The following KIAA0825 variants were observed in gnomAD, a reference collection of about 807,000 sequenced individuals.
KIAA0825 encodes the protein uncharacterized protein KIAA0825.
In KIAA0825, 119 loss-of-function variants were observed where a neutral mutation model predicts 147.6. The ratio of observed to expected loss-of-function variants is 0.81; its 90% CI spans 0.69 to 0.94. The LOEUF is 0.94. Among genes scored for constraint, KIAA0825 ranks in the 40% least tolerant of loss-of-function variants. KIAA0825 has a pLI of 0.00. For missense variants in KIAA0825, 1,381 were observed against 1,472.7 expected (o/e 0.94, Z 1.02); for synonymous variants, 470 against 518.1 (o/e 0.91, Z 1.26).
intron 20 of KIAA0825, among the ~76,000 whole-genome samples, chr5:94,278,015 GA>G (rs1470631957): frequency 1.3e-5 from 2 of 152,132 alleles, no homozygotes; most frequent in African/African-American, 4.8e-5. Context: ...CACAGGAACA[GA>G]AAACCAAACA....
intron 16 of KIAA0825, among the ~76,000 whole-genome samples, chr5:94,399,612 C>T (rs1751119281): frequency 6.6e-6 from 1 of 152,128 alleles, no homozygotes; most frequent in Non-Finnish European, 1.5e-5. Flanking sequence ...GACTGCTACA[C>T]ACTCGTCTTT....
intron 2 of KIAA0825, among the ~76,000 whole-genome samples, chr5:94,564,214 GTTT>G (rs545943328): frequency 1.9e-5 from 2 of 105,200 alleles, no homozygotes; most frequent in Non-Finnish European, 3.8e-5. Flanking sequence ...TATTCCCCTT[GTTT>G]TTTTTTTTTT....
chr5:94,229,502 AT>A (rs769082743), intron 20 of KIAA0825, among the ~76,000 whole-genome samples: 5,522 of 138,724 alleles, frequency 0.04, 262 homozygotes, highest in African/African-American at 0.13. Flanking sequence ...TCCATATTGA[AT>A]TTTTTTTTTT....
chr5:94,541,484 A>T lies in KIAA0825; in HGVS notation c.-1-4357T>A, dbSNP rs550223109. Among the ~76,000 whole-genome samples the T allele has an allele frequency of 3.3e-5, 5 of 152,358 alleles. No homozygotes were observed. In the South Asian group the frequency reaches 1.0e-3, roughly 32 times the overall value. On this transcript the variant is annotated intron_variant, in intron 2 of 20. Coordinates refer to ENST00000682413, the MANE Select transcript of KIAA0825 (RefSeq NM_001145678.3). ...CTAAAGGATTGTTTTAAGTTAGATAAAATAAGGCTGAAGGTTTAAACAAGT... is the reference window on the plus strand; with the variant it reads ...CTAAAGGATTGTTTTAAGTTAGATATAATAAGGCTGAAGGTTTAAACAAGT...
At chr5:94,245,555 A>C (rs749844624) in intron 20 of KIAA0825, among the ~76,000 whole-genome samples, 1 of 151,956 alleles carries the variant, frequency 6.6e-6, no homozygotes, top group Non-Finnish European at 1.5e-5. Context: ...CCTTCTTAGC[A>C]GTCTGAATTG....
At chr5:94,524,336 T>C (rs955547641) in intron 3 of KIAA0825, among the ~76,000 whole-genome samples, 16 of 151,768 alleles carry the variant, frequency 1.1e-4, no homozygotes, top group South Asian at 8.3e-4. Flanking sequence ...TCAGATGAAC[T>C]AGAAATTCTT....
chr5:94,567,301 C>T (rs577715015), intron 2 of KIAA0825, among the ~76,000 whole-genome samples: 2 of 152,250 alleles, frequency 1.3e-5, no homozygotes, highest in South Asian at 4.1e-4. Flanking sequence ...TTGTTGAATG[C>T]TTTGACTAAA....
intron 2 of KIAA0825, among the ~76,000 whole-genome samples, chr5:94,571,327 A>G (rs1469784102): frequency 2.6e-5 from 4 of 152,348 alleles, no homozygotes; most frequent in African/African-American, 9.6e-5. Context: ...AAGGAATTAG[A>G]TAAGAAATTT....
chr5:94,435,514 G>T (rs964746324), intron 14 of KIAA0825, among the ~76,000 whole-genome samples: 2 of 151,940 alleles, frequency 1.3e-5, no homozygotes, highest in African/African-American at 4.8e-5. Flanking sequence ...TCTTTATCCA[G>T]TCTATCATTG....
chr5:94,340,517 A>G (rs1433518822), intron 20 of KIAA0825, among the ~76,000 whole-genome samples: 1 of 152,202 alleles, frequency 6.6e-6, no homozygotes. Context: ...TACGTATTTT[A>G]TATTTTTCAC....
intron 20 of KIAA0825, among the ~76,000 whole-genome samples, chr5:94,311,840 A>G (rs1408594419): frequency 6.6e-6 from 1 of 151,680 alleles, no homozygotes; most frequent in African/African-American, 2.4e-5. Context: ...TTATTTCTTT[A>G]CGTGGTAAAT....
intron 20 of KIAA0825, among the ~76,000 whole-genome samples, chr5:94,177,783 T>C (rs1488479702): frequency 6.6e-6 from 1 of 152,118 alleles, no homozygotes; most frequent in Non-Finnish European, 1.5e-5. Context: ...GTAGAACAGA[T>C]AACTGAATAA....
intron 20 of KIAA0825, among the ~76,000 whole-genome samples, chr5:94,200,082 C>T (rs924397635): frequency 6.6e-6 from 1 of 152,122 alleles, no homozygotes; most frequent in Non-Finnish European, 1.5e-5. Flanking sequence ...GGGTTGGGCA[C>T]CCACGGCCAT....
chr5:94,590,397 C>T (rs1784137072), intron 1 of KIAA0825, among the ~76,000 whole-genome samples: 1 of 152,104 alleles, frequency 6.6e-6, no homozygotes, highest in Non-Finnish European at 1.5e-5. Flanking sequence ...TTATCCCAAG[C>T]CAAATTCCAG....
intron 13 of KIAA0825, among the ~76,000 whole-genome samples, chr5:94,449,768 C>T (rs145415289): frequency 2.0e-5 from 3 of 152,252 alleles, no homozygotes; most frequent in African/African-American, 7.2e-5. Context: ...AATAGATTTT[C>T]TTTTTGCTTT....
At chr5:94,175,013 CT>C (rs1204431362) in intron 20 of KIAA0825, among the ~76,000 whole-genome samples, 1 of 152,130 alleles carries the variant, frequency 6.6e-6, no homozygotes, top group Admixed American at 6.5e-5. Context: ...AGTCTTGCCC[CT>C]AAAAGCTATG....
At chr5:94,565,872 T>C (rs1328988401) in intron 2 of KIAA0825, among the ~76,000 whole-genome samples, 4 of 152,188 alleles carry the variant, frequency 2.6e-5, no homozygotes, top group Non-Finnish European at 5.9e-5. Context: ...CCTTAAATAC[T>C]TATCATTTAT....
chr5:94,237,800 C>T (rs1278124020), intron 20 of KIAA0825, among the ~76,000 whole-genome samples: 1 of 152,096 alleles, frequency 6.6e-6, no homozygotes. Context: ...CCTAGCAAAA[C>T]AGAATAAACT....
In KIAA0825 at chr5:94,417,248, C is replaced by A; in HGVS notation, c.2615G>T (p.Ser872Ile). ...SPQTFANVFV[S>I]YMEEEQLWDF... is the part of the protein sequence containing the mutation. ...CCATAATTGCTCTTCTTCCATGTAG[C>A]TCACAAAAACGTTTGCAAATGTTTG... The change falls in exon 15 of 21, where the codon AGC (serine) becomes ATC (isoleucine). Residue 872 changes from serine to isoleucine, a missense_variant. Coordinates refer to ENST00000682413, the MANE Select transcript of KIAA0825 (RefSeq NM_001145678.3). 11 of 1,550,988 alleles carry A rather than the reference C, an allele frequency of 7.1e-6. No individual in the cohort carries two copies. Among genetic ancestry groups the A allele is most frequent in the Non-Finnish European group, 9.6e-6 (11 of 1,146,536 alleles).
Sources: gnomAD v4.1 joint callset for allele counts (sites outside exome capture counted in the v4.1 genomes callset) on GRCh38, gnomAD v4.1.1 for gene constraint, MANE v1.5 for transcripts, NCBI Gene and HGNC (gene_info 2026-07-23, HGNC 2026-07-21) for gene names.